The following CBX8 variants were observed in gnomAD, a reference collection of about 807,000 sequenced individuals.
CBX8 encodes the protein chromobox 8, also known as chromobox protein homolog 8.
A neutral mutation model predicts 39.7 loss-of-function variants in CBX8; 8 were observed. The observed-to-expected ratio is 0.20, with a 90% CI of 0.12 to 0.36. The LOEUF is 0.36. Among genes scored for constraint, CBX8 ranks in the 10% least tolerant of loss-of-function variants. CBX8 has a pLI of 1.00. For missense variants in CBX8, 505 were observed against 529.6 expected, an observed-to-expected ratio of 0.95 and a Z score of 0.46; for synonymous variants, 268 against 219.8, an observed-to-expected ratio of 1.22 and a Z score of -1.94.
Position 79,796,326 on chromosome 17 carries a change from T to A in CBX8, c.114-11A>T, listed in dbSNP as rs1908088065. On this transcript the variant is annotated splice_polypyrimidine_tract_variant and intron_variant, in intron 2 of 4. Transcript: ENST00000269385. ...TCCCATGTGCTGTACCTAAAGGGAA[T>A]CAGGAAGAAGTGGGCATCAGTCCCA... 4.3e-6 allele frequency: 7 copies of A among 1,613,866 alleles called. No individual in the cohort carries two copies. In the African/African-American group the frequency reaches 5.3e-5, roughly 12 times the overall value.
Position 79,796,239 on chromosome 17 carries a change from A to G in CBX8, c.179+11T>C, listed in dbSNP as rs774348340. 6.2e-7 allele frequency: 1 copy of G among 1,614,176 alleles called. No homozygotes were observed. Among genetic ancestry groups the G allele is most frequent in the South Asian group, 1.1e-5 (1 of 91,088 alleles). ...TCTAAGTGAGCGGCTGGGACTTGGA[A>G]GGGTCTGTACCTTTCCTCAAAGGCT... On this transcript the variant is annotated intron_variant, in intron 3 of 4. Transcript: ENST00000269385.
chr17:79,796,791 TGCCGCCGCC>T (rs897399746), intron 1 of CBX8, 130 bp downstream of exon 1: 8 of 658,052 alleles, frequency 1.2e-5, no homozygotes, highest in South Asian at 5.6e-5. Flanking sequence ...GGCTCAGAGC[TGCCGCCGCC>T]GCCGCCGCCA....
chr17:79,796,812 G>A (rs1007310739), intron 1 of CBX8, 118 bp downstream of exon 1: 6 of 1,020,936 alleles, frequency 5.9e-6, no homozygotes, highest in East Asian at 2.7e-5. Context: ...CCGCCGCCAC[G>A]GCCGCGGCCG....
rs139454615 is a variant in CBX8 at position 79,795,378 on chromosome 17, G to A, written c.427C>T (p.Arg143Cys). 1.6e-5 allele frequency: 25 copies of A among 1,599,318 alleles called. No homozygotes were observed. Among genetic ancestry groups the A allele is most frequent in the African/African-American group, 2.7e-5 (2 of 74,808 alleles). ...TCCCGGTCCCGAGGGGCCTCTGCGC[G>A]GCAGGTGCTGCTGGTGCTGGTGCTG... is the stretch of plus-strand genomic sequence containing the variant. The part of the protein sequence containing the change: ...ASSTSTSSTC[R>C]AEAPRDRDRD... Residue 143 changes from arginine (R) to cysteine (C), a missense_variant, in exon 5 of 5, where the codon CGC becomes TGC. By Grantham distance (180) the Arg-to-Cys change is radical. Transcript: ENST00000269385. The surrounding 1 kb of genome is among the most constrained non-coding windows in gnomAD (Gnocchi z 5.8).
rs1417490849 is a variant in CBX8 at position 79,794,765 on chromosome 17, T to A, written c.1040A>T (p.Glu347Val). The A allele has an allele frequency of 3.1e-6, 5 of 1,612,904 alleles. No homozygotes were observed. Among genetic ancestry groups the A allele is most frequent in the Non-Finnish European group, 4.2e-6 (5 of 1,179,210 alleles). The change falls in exon 5 of 5, where the codon GAG becomes GTG. Residue 347 changes from glutamate to valine, a missense_variant. Around this residue, in one of 3 missense-constraint regions of CBX8, gnomAD observed 456 missense variants for 389.2 expected, o/e 1.17. Coordinates refer to ENST00000269385, the MANE Select transcript of CBX8 (RefSeq NM_020649.3). The part of the protein sequence containing the change: ...IPVARILGDP[E>V]EESWSPSLTN... ...CAGGGAGGGGCTCCAGGACTCTTCC[T>A]CCGGGTCCCCCAGGATTCTGGCCAC... is the stretch of plus-strand genomic sequence containing the variant.
In CBX8 at chr17:79,795,021, C is replaced by T. The variant is rs557517163; in HGVS notation, c.784G>A (p.Gly262Ser). 6.2e-7 allele frequency: 1 copy of T among 1,607,138 alleles called. No homozygotes were observed. The highest frequency in any genetic ancestry group is 1.1e-5 in the South Asian group (1 of 89,952). ...TCAGCTGAGCTAGGGCTGGTCACACCACACTGCACCAGGTCCGAGTCCTGT... is the reference window on the plus strand; with the variant it reads ...TCAGCTGAGCTAGGGCTGGTCACACTACACTGCACCAGGTCCGAGTCCTGT... ...RRQDSDLVQC[G>S]VTSPSSAEAT... The change falls in exon 5 of 5, where the codon GGT (glycine) becomes AGT (serine). Residue 262 changes from glycine (G) to serine (S), a missense_variant. By Grantham distance (56) the Gly-to-Ser change is moderately conservative. Around this residue, in one of 3 missense-constraint regions of CBX8, gnomAD observed 456 missense variants for 389.2 expected, o/e 1.17. Transcript: ENST00000269385. This position sits in a 1 kb window ranked among gnomAD's most constrained non-coding sequence, Gnocchi z 5.8.
chr17:79,796,407 G>C, intron 2 of CBX8, 90 bp downstream of exon 2: 1 of 1,593,564 alleles, frequency 6.3e-7, no homozygotes, highest in Middle Eastern at 1.7e-4. Context: ...TCATTGCATT[G>C]TATTGTATTT....
chr17:79,796,855 G>T, intron 1 of CBX8, 75 bp downstream of exon 1: 1 of 1,385,582 alleles, frequency 7.2e-7, no homozygotes, highest in Non-Finnish European at 9.9e-7. Flanking sequence ...AAGCTGGGCT[G>T]CAGCAGGGGG....
At position 79,792,176 on chromosome 17, in the gene CBX8, G is replaced by T. The variant is rs892213626; in HGVS notation, c.*2459C>A. ...TTTAAACACGTAAAAAGCGGTATTGGATACAGACATTCACGACCGCAGAAG... is the reference window on the plus strand; with the variant it reads ...TTTAAACACGTAAAAAGCGGTATTGTATACAGACATTCACGACCGCAGAAG... On this transcript the variant is annotated 3_prime_UTR_variant, in exon 5 of 5. Coordinates refer to ENST00000269385, the MANE Select transcript of CBX8 (RefSeq NM_020649.3). 3.9e-5 allele frequency: 6 copies of T among 152,210 alleles called. No homozygotes were observed. Among genetic ancestry groups the T allele is most frequent in the African/African-American group, 1.4e-4 (6 of 41,440 alleles). The allele number at this position is 152,210 out of a possible 1,614,324, so 9.4% of individuals were successfully genotyped here. A position where few individuals can be genotyped will look rare whatever the true frequency, so the allele number is the denominator to read the frequency against.
Position 79,796,069 on chromosome 17 carries a change from G to A in CBX8, c.234C>T (p.Thr78=), listed in dbSNP as rs1007506221. The change falls in exon 4 of 5, where the codon ACC becomes ACT. Residue 78 remains threonine (T), a synonymous_variant. Transcript: ENST00000269385. ...ACTGCCAACCTACTTTGAGGAGGAA[G>A]GTTTTGGGCTTGGGTCCACGCTTTT... The part of the protein sequence containing the change: ...GPKKRGPKPK[T]FLLKAQAKAK... 1 of 1,614,172 alleles carries A rather than the reference G, an allele frequency of 6.2e-7. No individual in the cohort carries two copies. The highest frequency in any genetic ancestry group is 1.7e-5 in the Admixed American group (1 of 60,032).
rs202008868 is a variant in CBX8, at chr17:79,796,320, A to C, written c.114-5T>G. On this transcript the variant is annotated splice_polypyrimidine_tract_variant and splice_region_variant and intron_variant, in intron 2 of 4. Coordinates refer to ENST00000269385, the MANE Select transcript of CBX8 (RefSeq NM_020649.3). ...TCCGGTTCCCATGTGCTGTACCTAA[A>C]GGGAATCAGGAAGAAGTGGGCATCA... The C allele has an allele frequency of 6.2e-7, 1 of 1,614,168 alleles. No individual in the cohort carries two copies. Among genetic ancestry groups the C allele is most frequent in the Non-Finnish European group, 8.5e-7 (1 of 1,180,010 alleles).
rs1444511113 is a variant in CBX8 at position 79,795,725 on chromosome 17, T to C, written c.247-167A>G. On this transcript the variant is annotated intron_variant, in intron 4 of 4. Transcript: ENST00000269385. This position sits in a 1 kb window ranked among gnomAD's most constrained non-coding sequence, Gnocchi z 5.8. ...GTGGGTGGATGGCTGGATGAATGGG[T>C]GGGATGGCTGTTGGAGCTGAGAGGT... Among the ~76,000 whole-genome samples the C allele has an allele frequency of 6.6e-6, 1 of 151,640 alleles. No homozygotes were observed. Among genetic ancestry groups the C allele is most frequent in the African/African-American group, 2.4e-5 (1 of 41,256 alleles).
In CBX8 at chr17:79,793,339, A is replaced by T. The variant is rs1031804757; in HGVS notation, c.*1296T>A. 2 of 152,214 alleles carry T rather than the reference A, an allele frequency of 1.3e-5. No homozygotes were observed. Among genetic ancestry groups the T allele is most frequent in the Non-Finnish European group, 2.9e-5 (2 of 68,042 alleles). 9.4% of individuals were successfully genotyped at this position (152,214 alleles called of 1,614,324 possible). On this transcript the variant is annotated 3_prime_UTR_variant, in exon 5 of 5. Transcript: ENST00000269385. ...TTTTAAGAAGGACGGGGGAAAAAAA[A>T]GGAAAAAGCAAAAGTTCCGATGCGC...
chr17:79,794,000 G>A lies in CBX8; in HGVS notation c.*635C>T, dbSNP rs142958663. ...TAACCTTCAACATCACACACGAAAA[G>A]CTTATTCAAGTTAATACTTTTTTCC... is the stretch of plus-strand genomic sequence containing the variant. On this transcript the variant is annotated 3_prime_UTR_variant, in exon 5 of 5. Transcript: ENST00000269385. The A allele has an allele frequency of 6.6e-6, 1 of 151,026 alleles. No individual in the cohort carries two copies. The highest frequency in any genetic ancestry group is 6.6e-5 in the Admixed American group (1 of 15,214). The allele number at this position is 151,026 out of a possible 1,614,324, so 9.4% of individuals were successfully genotyped here. A position where few individuals can be genotyped will look rare whatever the true frequency, so the allele number is the denominator to read the frequency against.
rs1399685879 is a variant in CBX8, at chr17:79,792,817, TGGA to T, written c.*1815_*1817del. ...TTCTCTCTTTAAAGGCAAGAAAGTCTGGAGGAGAGGCTGAGAAGCCGGGAGTGC... is the reference window on the plus strand; with the variant it reads ...TTCTCTCTTTAAAGGCAAGAAAGTCTGGAGAGGCTGAGAAGCCGGGAGTGC... On this transcript the variant is annotated 3_prime_UTR_variant, in exon 5 of 5. Transcript: ENST00000269385. The T allele has an allele frequency of 6.6e-6, 1 of 152,216 alleles. No individual in the cohort carries two copies. 9.4% of individuals were successfully genotyped at this position (152,216 alleles called of 1,614,324 possible).
chr17:79,793,863 C>T lies in CBX8; in HGVS notation c.*772G>A, dbSNP rs561845301. 1 of 152,122 alleles carries T rather than the reference C, an allele frequency of 6.6e-6. No homozygotes were observed. The highest frequency in any genetic ancestry group is 1.5e-5 in the Non-Finnish European group (1 of 68,030). The allele number at this position is 152,122 out of a possible 1,614,324, so 9.4% of individuals were successfully genotyped here. ...GAACGAGGGAACGGGGAGATTTTAT[C>T]CACATGACATACACACGATCTGCGT... is the stretch of plus-strand genomic sequence containing the variant. On this transcript the variant is annotated 3_prime_UTR_variant, in exon 5 of 5. Transcript: ENST00000269385.
rs746321057 is a variant in CBX8 at position 79,796,054 on chromosome 17, T to C, written c.246+3A>G. ...CCTCCACCATTGGACACTGCCAACC[T>C]ACTTTGAGGAGGAAGGTTTTGGGCT... On this transcript the variant is annotated splice_donor_region_variant and intron_variant, in intron 4 of 4. Coordinates refer to ENST00000269385, the MANE Select transcript of CBX8 (RefSeq NM_020649.3). 6.2e-7 allele frequency: 1 copy of C among 1,613,984 alleles called. No homozygotes were observed. The highest frequency in any genetic ancestry group is 2.2e-5 in the East Asian group (1 of 44,888).
At chr17:79,796,723 C>G (rs1908107282) in intron 1 of CBX8, among the ~76,000 whole-genome samples, 183 bp from the exon 2 acceptor site, 1 of 150,782 alleles carries the variant, frequency 6.6e-6, no homozygotes, top group Non-Finnish European at 1.5e-5. Context: ...ATTCATTCCC[C>G]ACCCCGCCCC....
Position 79,795,869 on chromosome 17 carries a change from G to A in CBX8, c.246+188C>T, listed in dbSNP as rs1166846090. Among the ~76,000 whole-genome samples, 1 of 152,114 alleles carries A rather than the reference G, an allele frequency of 6.6e-6. No individual in the cohort carries two copies. Among genetic ancestry groups the A allele is most frequent in the East Asian group, 1.9e-4 (1 of 5,196 alleles). On this transcript the variant is annotated intron_variant, in intron 4 of 4. Transcript: ENST00000269385. The surrounding 1 kb of genome is among the most constrained non-coding windows in gnomAD (Gnocchi z 5.8). ...GGGGAGCGTAAAGGAATTCTAGTGTGGCCAAGCCCGTCCCCCCAGACACAG... is the reference window on the plus strand; with the variant it reads ...GGGGAGCGTAAAGGAATTCTAGTGTAGCCAAGCCCGTCCCCCCAGACACAG...
Sources: gnomAD v4.1 joint callset for allele counts (sites outside exome capture counted in the v4.1 genomes callset) on GRCh38, gnomAD v4.1.1 for gene constraint, gnomAD v4.1.1 regional missense constraint, Gnocchi (gnomAD v3.1) non-coding constraint, MANE v1.5 for transcripts, NCBI Gene and HGNC (gene_info 2026-07-23, HGNC 2026-07-21) for gene names.